METTL15: variants seen among roughly 807,000 people sequenced by gnomAD.
The protein encoded by METTL15 is methyltransferase 15, mitochondrial 12S rRNA N4-cytidine, also known as 12S rRNA N(4)-cytidine methyltransferase METTL15.
A neutral mutation model predicts 38.3 loss-of-function variants in METTL15; 34 were observed. That is an observed-to-expected ratio of 0.89 (90% confidence interval 0.68 to 1.18). The LOEUF is 1.18. Among genes scored for constraint, METTL15 ranks in the 50% most tolerant of loss-of-function variants. The pLI, the probability that METTL15 is intolerant of heterozygous loss-of-function variation, is 0.00. For synonymous variants in METTL15, 162 were observed against 170.9 expected (o/e 0.95, Z 0.41); for missense variants, 438 against 498.4 (o/e 0.88, Z 1.15).
chr11:28,243,503 A>G (rs985871712), intron 4 of METTL15, among the ~76,000 whole-genome samples: 4 of 152,224 alleles, frequency 2.6e-5, no homozygotes, highest in African/African-American at 7.2e-5. Flanking sequence ...TATCATAACT[A>G]TAGGCATTTC....
intron 6 of METTL15, among the ~76,000 whole-genome samples, chr11:28,487,048 G>GT (rs1337192198): frequency 1.3e-5 from 2 of 151,846 alleles, no homozygotes; most frequent in South Asian, 2.1e-4. Context: ...ATTGGCAAAG[G>GT]TTTTTTTTAA....
intron 4 of METTL15, among the ~76,000 whole-genome samples, chr11:28,236,652 A>G (rs1294529922): frequency 1.3e-5 from 2 of 152,132 alleles, no homozygotes. Flanking sequence ...TTATGATGTT[A>G]GCTGGTTATT....
At chr11:28,418,364 G>A (rs548272632) in intron 5 of METTL15, among the ~76,000 whole-genome samples, 33 of 152,106 alleles carry the variant, frequency 2.2e-4, no homozygotes, top group Non-Finnish European at 4.3e-4. Context: ...CTTTCTTTAT[G>A]TCTCAGTAAA....
chr11:28,376,805 T>G (rs1850318796), intron 5 of METTL15, among the ~76,000 whole-genome samples: 2 of 150,108 alleles, frequency 1.3e-5, no homozygotes, highest in South Asian at 2.2e-4. Flanking sequence ...TACCGGTTGT[T>G]CCTTTCCATG....
intron 4 of METTL15, among the ~76,000 whole-genome samples, chr11:28,288,399 A>C (rs983224704): frequency 6.6e-6 from 1 of 152,200 alleles, no homozygotes; most frequent in Non-Finnish European, 1.5e-5. Flanking sequence ...AATAGCAAAA[A>C]CATGGAATCA....
At chr11:28,287,987 G>T (rs946517738) in intron 4 of METTL15, among the ~76,000 whole-genome samples, 1 of 152,012 alleles carries the variant, frequency 6.6e-6, no homozygotes, top group African/African-American at 2.4e-5. Context: ...TCTTCCCTTC[G>T]GCTGGGAGGG....
intron 4 of METTL15, among the ~76,000 whole-genome samples, chr11:28,286,929 T>G (rs566060311): frequency 1.3e-5 from 2 of 151,354 alleles, no homozygotes; most frequent in African/African-American, 2.4e-5. Flanking sequence ...ATATATGTAC[T>G]CTCCGCACTA....
downstream of METTL15, among the ~76,000 whole-genome samples, chr11:28,336,353 CAG>C (rs1332989470): frequency 6.6e-6 from 1 of 152,122 alleles, no homozygotes; most frequent in African/African-American, 2.4e-5. Context: ...GGCCAACCTA[CAG>C]AGTCTTTATA....
intron 6 of METTL15, chr11:28,519,061 A>G (rs1469764207): frequency 6.6e-6 from 1 of 152,180 alleles, no homozygotes; most frequent in Non-Finnish European, 1.5e-5. Flanking sequence ...AACACTGAAA[A>G]CCACTGTTGA....
intron 5 of METTL15, among the ~76,000 whole-genome samples, chr11:28,368,638 A>G (rs577091558): frequency 6.6e-6 from 1 of 152,282 alleles, no homozygotes; most frequent in South Asian, 2.1e-4. Context: ...TTGACCCAGC[A>G]ATCCCATTAC....
intron 6 of METTL15, among the ~76,000 whole-genome samples, chr11:28,476,567 T>C (rs1851348244): frequency 6.6e-6 from 1 of 152,232 alleles, no homozygotes; most frequent in African/African-American, 2.4e-5. Flanking sequence ...TATTCCATTT[T>C]ATTCCTTCCT....
intron 4 of METTL15, among the ~76,000 whole-genome samples, chr11:28,235,208 G>A (rs1853895310): frequency 6.6e-6 from 1 of 151,962 alleles, no homozygotes; most frequent in Non-Finnish European, 1.5e-5. Flanking sequence ...GGTTACTGTA[G>A]CCTTGTAGTA....
intron 4 of METTL15, among the ~76,000 whole-genome samples, chr11:28,267,793 C>A (rs959182503): frequency 6.6e-6 from 1 of 152,212 alleles, no homozygotes; most frequent in Non-Finnish European, 1.5e-5. Flanking sequence ...TCTCCTGCTC[C>A]TTGCCTTCCT....
chr11:28,224,183 G>T (rs1853374291), intron 4 of METTL15, among the ~76,000 whole-genome samples: 1 of 151,700 alleles, frequency 6.6e-6, no homozygotes, highest in African/African-American at 2.4e-5. Context: ...CTTTCTAATT[G>T]TCAGTGTTTC....
At chr11:28,155,478 C>A (rs528006530) in intron 3 of METTL15, among the ~76,000 whole-genome samples, 34 of 152,096 alleles carry the variant, frequency 2.2e-4, no homozygotes, top group Non-Finnish European at 4.7e-4. Context: ...TTACTTTTAA[C>A]TTTGTTAGAA....
intron 6 of METTL15, among the ~76,000 whole-genome samples, chr11:28,311,558 A>C (rs1276675857): frequency 6.6e-6 from 1 of 152,234 alleles, no homozygotes; most frequent in Non-Finnish European, 1.5e-5. Flanking sequence ...ATCTCTTAGA[A>C]CATGTGTTAA....
intron 6 of METTL15, among the ~76,000 whole-genome samples, chr11:28,490,068 G>A (rs1236365032): frequency 2.0e-5 from 3 of 152,104 alleles, no homozygotes; most frequent in African/African-American, 7.2e-5. Flanking sequence ...GGAAGCAGAA[G>A]GAAGTTACAA....
At position 28,201,022 on chromosome 11, in the gene METTL15, A is replaced by G. The variant is rs1245522834; in HGVS notation, c.271-10040A>G. Among the ~76,000 whole-genome samples the G allele has an allele frequency of 2.0e-5, 3 of 152,108 alleles. No homozygotes were observed. The East Asian group carries it at 5.8e-4, about 29-fold the overall frequency. On this transcript the variant is annotated intron_variant, in intron 3 of 6. Coordinates refer to ENST00000407364, the MANE Select transcript of METTL15 (RefSeq NM_001113528.2). ...AAGGGAACACTTCCAGCTTTTGCCC[A>G]TTCAATATGATGTTGGCTGTGGGTT... is the stretch of plus-strand genomic sequence containing the variant.
intron 6 of METTL15, among the ~76,000 whole-genome samples, chr11:28,298,357 G>T (rs1025868790): frequency 2.0e-5 from 3 of 152,038 alleles, no homozygotes; most frequent in African/African-American, 7.2e-5. Context: ...TCTAAAATTG[G>T]TGCTGAAAAT....
Sources: gnomAD v4.1 joint callset for allele counts (sites outside exome capture counted in the v4.1 genomes callset) on GRCh38, gnomAD v4.1.1 for gene constraint, MANE v1.5 for transcripts, NCBI Gene and HGNC (gene_info 2026-07-23, HGNC 2026-07-21) for gene names.